The following TKTL1 variants were observed in gnomAD, a reference collection of about 807,000 sequenced individuals.
TKTL1 encodes transketolase like 1.
In TKTL1, 1 loss-of-function variant was observed where a neutral mutation model predicts 39.3. That is an observed-to-expected ratio of 0.03 (90% CI 0.01 to 0.12). The LOEUF (loss-of-function observed/expected upper bound fraction) is 0.12. TKTL1 is among the 10% of genes least tolerant of loss of function. TKTL1 has a pLI of 1.00. For synonymous variants in TKTL1, 262 were observed against 193.8 expected, an observed-to-expected ratio of 1.35 and a Z score of -2.92; for missense variants, 575 against 509.6, an observed-to-expected ratio of 1.13 and a Z score of -1.24.
Position 154,314,152 on chromosome X carries a change from A to G in TKTL1, c.865-1021A>G, listed in dbSNP as rs1393521958. Among the ~76,000 whole-genome samples the G allele has an allele frequency of 6.3e-5, 7 of 111,414 alleles. 1 individual carries two copies. Among genetic ancestry groups the G allele is most frequent in the Admixed American group, 4.8e-4 (5 of 10,411 alleles). On this transcript the variant is annotated intron_variant, in intron 6 of 12. Coordinates refer to ENST00000369915, the MANE Select transcript of TKTL1 (RefSeq NM_012253.4). Reference sequence around the variant, plus strand: ...CAAAGCACCAGGCTCACCAGGTTATATAAGACTGACTCATTTTTAACCTTT... The same window carrying G: ...CAAAGCACCAGGCTCACCAGGTTATGTAAGACTGACTCATTTTTAACCTTT...
chrX:154,323,458 G>T, intron 9 of TKTL1, 121 bp downstream of exon 9: 1 of 856,341 alleles, frequency 1.2e-6, no homozygotes, highest in Admixed American at 3.3e-5. Context: ...AAAATTTGGT[G>T]ATAGAATTCT....
chrX:154,327,257 A>C (rs1314839584), intron 10 of TKTL1: 1 of 400,866 alleles, frequency 2.5e-6, no homozygotes, highest in Non-Finnish European at 4.9e-6. Flanking sequence ...CAGGCACACA[A>C]GATCTTAGCA....
At chrX:154,313,608 A>G (rs1225220518) in intron 6 of TKTL1, among the ~76,000 whole-genome samples, 2 of 111,670 alleles carry the variant, frequency 1.8e-5, no homozygotes, top group African/African-American at 6.5e-5. Flanking sequence ...TGAGAAATCA[A>G]AAGACAAAAA....
At position 154,296,728 on chromosome X, in the gene TKTL1, GAGTGGCTGGGTGT is replaced by G. The variant is rs1206405606; in HGVS notation, c.134+744_134+756del. The stretch of plus-strand genomic sequence containing the variant: ...AAAGTGTTCCATCTTAAATTTTTTG[GAGTGGCTGGGTGT>G]AGTGGCTGCCACCTGTAATCCCAAG... On this transcript the variant is annotated intron_variant, in intron 1 of 12. Transcript: ENST00000369915. 6.3e-5 allele frequency among the ~76,000 whole-genome samples: 7 copies of G among 111,586 alleles called. 1 individual carries two copies. In the South Asian group the frequency reaches 2.6e-3, roughly 41 times the overall value.
Position 154,325,535 on chromosome X carries a change from A to AT in TKTL1, c.1401+120dup, listed in dbSNP as rs1384074813. 6.0e-4 allele frequency: 411 copies of AT among 685,628 alleles called. 1 individual carries two copies. Among genetic ancestry groups the AT allele is most frequent in the Non-Finnish European group, 8.1e-4 (368 of 452,271 alleles). The allele number at this position is 685,628 out of a possible 1,213,427, so 56.5% of individuals were successfully genotyped here. A position where few individuals can be genotyped will look rare whatever the true frequency, so the allele number is the denominator to read the frequency against. On this transcript the variant is annotated intron_variant, in intron 10 of 12. Coordinates refer to ENST00000369915, the MANE Select transcript of TKTL1 (RefSeq NM_012253.4). ...GAGACATCATCCTTTCTTTGCTCTC[A>AT]TTTTTTTAAAAAACAGTTGTGACCT...
At chrX:154,324,096 C>T (rs1184497263) in intron 9 of TKTL1, among the ~76,000 whole-genome samples, 2 of 111,396 alleles carry the variant, frequency 1.8e-5, no homozygotes, top group Non-Finnish European at 1.9e-5. Flanking sequence ...AGTGGGCTCC[C>T]GCTTTACATA....
chrX:154,312,635 T>A lies in TKTL1; in HGVS notation c.726T>A (p.Asp242Glu). Residue 242 changes from aspartate (D) to glutamate (E), a missense_variant, in exon 6 of 13, where the codon GAT becomes GAA. Coordinates refer to ENST00000369915, the MANE Select transcript of TKTL1 (RefSeq NM_012253.4). The part of the protein sequence containing the change: ...HAKPMPRERA[D>E]AIIKLIESQI... ...AGCCAATGCCGAGAGAAAGAGCAGA[T>A]GCCATTATCAAATTAATTGAGAGCC... is the stretch of plus-strand genomic sequence containing the variant. The A allele has an allele frequency of 8.3e-7, 1 of 1,211,445 alleles. No homozygotes were observed. The highest frequency in any genetic ancestry group is 1.1e-6 in the Non-Finnish European group (1 of 895,301).
chrX:154,306,925 T>TTCCA (rs1273624950), intron 2 of TKTL1, among the ~76,000 whole-genome samples: 10 of 110,608 alleles, frequency 9.0e-5, no homozygotes, highest in African/African-American at 3.3e-4. Flanking sequence ...AAGCCACCGC[T>TTCCA]TCCAGCCCTC....
In TKTL1 at chrX:154,327,579, G is replaced by C; in HGVS notation, c.1402-12G>C. 8.3e-7 allele frequency: 1 copy of C among 1,200,620 alleles called. No individual in the cohort carries two copies. Among genetic ancestry groups the C allele is most frequent in the Admixed American group, 2.2e-5 (1 of 45,911 alleles). On this transcript the variant is annotated splice_polypyrimidine_tract_variant and intron_variant, in intron 10 of 12. Transcript: ENST00000369915. ...GTAACCACGGCATTCTGTTTTGCTG[G>C]CACTATACCAGGTCCTCCGCCACTG...
At position 154,295,907 on chromosome X, in the gene TKTL1, T is replaced by C. The variant is rs201993202; in HGVS notation, c.48T>C (p.Pro16=). ...ARAEFPEEAR[P]DRGTLQVLQD... is the part of the protein sequence containing the mutation. ...CTGAGTTCCCGGAGGAGGCCAGACC[T>C]GACAGGGGCACCTTGCAGGTGTTGC... The change falls in exon 1 of 13, where the codon CCT becomes CCC. Residue 16 remains proline (P), a synonymous_variant. Transcript: ENST00000369915. 26 of 1,210,348 alleles carry C rather than the reference T, an allele frequency of 2.1e-5. No homozygotes were observed. In the East Asian group the frequency reaches 6.8e-4, roughly 32 times the overall value.
chrX:154,309,592 C>G (rs1178732512), intron 3 of TKTL1, 150 bp downstream of exon 3: 9 of 494,993 alleles, frequency 1.8e-5, no homozygotes, highest in Non-Finnish European at 3.1e-5. Flanking sequence ...GGAAGGCCTT[C>G]CCTGTGCCTT....
intron 2 of TKTL1, among the ~76,000 whole-genome samples, chrX:154,306,069 G>C (rs1336157452): frequency 3.6e-5 from 4 of 110,648 alleles, no homozygotes; most frequent in Non-Finnish European, 5.7e-5. Flanking sequence ...CACTTTGGGA[G>C]ACTGAGGTGG....
chrX:154,307,773 G>A (rs1275060437), intron 2 of TKTL1, among the ~76,000 whole-genome samples: 1 of 112,408 alleles, frequency 8.9e-6, no homozygotes, highest in African/African-American at 3.2e-5. Flanking sequence ...CATGCAAGGC[G>A]ACTGGGAGCC....
intron 1 of TKTL1, among the ~76,000 whole-genome samples, chrX:154,301,914 CT>C (rs1189969073): frequency 1.4e-3 from 141 of 101,701 alleles, no homozygotes; most frequent in Admixed American, 2.7e-3. Flanking sequence ...TTTCTTTTTT[CT>C]TTTTTTTTTT....
In TKTL1 at chrX:154,329,644, G is replaced by A. The variant is rs1557172799; in HGVS notation, c.1747G>A (p.Ala583Thr). 2 of 1,210,119 alleles carry A rather than the reference G, an allele frequency of 1.7e-6. No individual in the cohort carries two copies. Among genetic ancestry groups the A allele is most frequent in the African/African-American group, 1.7e-5 (1 of 57,220 alleles). ...ATTGCTGGATATGTATGGAATTAGT[G>A]CCAGACATATCATAGTGGCCGTGAA... ...EELLDMYGISARHIIVAVKCM... is the reference protein window; with the variant it reads ...EELLDMYGISTRHIIVAVKCM... Residue 583 changes from alanine to threonine, a missense_variant, in exon 13 of 13, where the codon GCC becomes ACC. Coordinates refer to ENST00000369915, the MANE Select transcript of TKTL1 (RefSeq NM_012253.4).
rs1269222319 is a variant in TKTL1, at chrX:154,295,844, C to T, written c.-16C>T. 5 of 1,208,838 alleles carry T rather than the reference C, an allele frequency of 4.1e-6. No individual in the cohort carries two copies. The highest frequency in any genetic ancestry group is 3.0e-5 in the East Asian group (1 of 33,776). ...GACGTAGGAGTGGGTCTTCAGACTC[C>T]AAAGGGGTTGGACTAATGGCGGATG... On this transcript the variant is annotated 5_prime_UTR_variant, in exon 1 of 13. Coordinates refer to ENST00000369915, the MANE Select transcript of TKTL1 (RefSeq NM_012253.4).
intron 1 of TKTL1, among the ~76,000 whole-genome samples, 189 bp downstream of exon 1, chrX:154,296,182 C>T (rs1391494334): frequency 9.0e-6 from 1 of 111,254 alleles, no homozygotes. Context: ...CTATTCCCGC[C>T]AACCCAAGGG....
At chrX:154,316,321 C>A (rs1191635564) in intron 7 of TKTL1, among the ~76,000 whole-genome samples, 1 of 111,217 alleles carries the variant, frequency 9.0e-6, no homozygotes, top group African/African-American at 3.3e-5. Flanking sequence ...CCGTCCGCCT[C>A]GGCCTCCCAA....
intron 7 of TKTL1, among the ~76,000 whole-genome samples, chrX:154,316,040 T>C (rs1477978184): frequency 8.9e-6 from 1 of 112,082 alleles, no homozygotes; most frequent in Non-Finnish European, 1.9e-5. Flanking sequence ...GCAGGTCTTA[T>C]GTGACCACCA....
Sources: allele counts gnomAD v4.1 joint callset (sites outside exome capture counted in the v4.1 genomes callset), GRCh38; gene constraint gnomAD v4.1.1; transcripts MANE v1.5; gene names NCBI Gene and HGNC (gene_info 2026-07-23, HGNC 2026-07-21).